Variants in POLD2 observed in about 807,000 individuals in gnomAD.
POLD2 encodes the protein DNA polymerase delta 2, accessory subunit, also known as DNA polymerase delta subunit 2.
A neutral mutation model predicts 48.8 loss-of-function variants in POLD2; 31 were observed. The ratio of observed to expected loss-of-function variants is 0.64; its 90% CI spans 0.48 to 0.86. The LOEUF is 0.86. POLD2 is among the 40% of genes least tolerant of loss of function. POLD2 has a pLI of 0.00. For missense variants in POLD2, 455 were observed against 610.1 expected, an observed-to-expected ratio of 0.75 and a Z score of 2.68; for synonymous variants, 233 against 256.3, an observed-to-expected ratio of 0.91 and a Z score of 0.87.
rs781666845 is a variant in POLD2, at chr7:44,121,941, G to T, written c.113C>A (p.Pro38His). Residue 38 changes from proline to histidine, a missense_variant, in exon 2 of 11, where the codon CCC (proline) becomes CAC (histidine). Pro to His is a moderately conservative substitution (Grantham distance 77). This residue lies in a region of POLD2 where 349 missense variants were observed against 437.4 expected (regional missense o/e 0.80). Transcript: ENST00000610533. The surrounding 1 kb of genome is among the most constrained non-coding windows in gnomAD (Gnocchi z 4.5). The part of the protein sequence containing the change: ...PVATYTNSSQ[P>H]FRLGERSFSR... ...AAAGCTGCGCTCTCCTAGCCGGAAG[G>T]GTTGTGAGGAGTTGGTGTAGGTTGC... 25 of 1,613,802 alleles carry T rather than the reference G, an allele frequency of 1.5e-5. No homozygotes were observed. The highest frequency in any genetic ancestry group is 2.1e-5 in the Non-Finnish European group (25 of 1,180,048).
chr7:44,115,253 A>G (rs763515017), intron 10 of POLD2, 42 bp downstream of exon 10: 2 of 1,171,910 alleles, frequency 1.7e-6, no homozygotes, highest in Admixed American at 4.3e-5. Context: ...AGGTGAGAGC[A>G]AATCAGCAAA....
chr7:44,119,778 C>A (rs1583567860), intron 2 of POLD2, among the ~76,000 whole-genome samples: 1 of 152,360 alleles, frequency 6.6e-6, no homozygotes, highest in African/African-American at 2.4e-5. Flanking sequence ...CTTGCCCCCA[C>A]TCAGCCCACT....
intron 2 of POLD2, chr7:44,118,342 G>C (rs191799602): frequency 9.3e-6 from 3 of 322,276 alleles, no homozygotes; most frequent in Non-Finnish European, 1.2e-5. Context: ...GTGTGAAGAC[G>C]GGCAGAGCGG....
chr7:44,119,059 G>T (rs1051073120), intron 2 of POLD2, among the ~76,000 whole-genome samples: 2 of 128,862 alleles, frequency 1.6e-5, no homozygotes, highest in Admixed American at 9.3e-5. Flanking sequence ...TGAGACCAGA[G>T]ATACTCAAAA....
At chr7:44,118,629 C>T (rs2096244065) in intron 2 of POLD2, among the ~76,000 whole-genome samples, 1 of 152,184 alleles carries the variant, frequency 6.6e-6, no homozygotes, top group African/African-American at 2.4e-5. Context: ...TCTCCTGCCT[C>T]AGCCTCCCGA....
rs750677442 is a variant in POLD2 at position 44,116,166 on chromosome 7, G to T, written c.968C>A (p.Ser323Tyr). The change falls in exon 8 of 11, where the codon TCC becomes TAC. Residue 323 changes from serine (S) to tyrosine (Y), a missense_variant. Around this residue, in one of 3 missense-constraint regions of POLD2, gnomAD observed 349 missense variants for 437.4 expected, o/e 0.80. Coordinates refer to ENST00000610533, the MANE Select transcript of POLD2 (RefSeq NM_006230.4). The surrounding 1 kb of genome is among the most constrained non-coding windows in gnomAD (Gnocchi z 6.1). ...PCMFPLATAY[S>Y]TLQLVTNPYQ... The stretch of plus-strand genomic sequence containing the variant: ...GGGGTTGGTGACCAGCTGGAGCGTG[G>T]AGTAGGCAGTGGCCAGCGGGAACAT... 1 of 1,613,858 alleles carries T rather than the reference G, an allele frequency of 6.2e-7. No individual in the cohort carries two copies. Among genetic ancestry groups the T allele is most frequent in the East Asian group, 2.2e-5 (1 of 44,876 alleles).
chr7:44,117,530 C>A, intron 4 of POLD2, 89 bp downstream of exon 4: 1 of 1,494,638 alleles, frequency 6.7e-7, no homozygotes, highest in Non-Finnish European at 9.1e-7. Context: ...CCCCCCACTC[C>A]CCCCAGGCTC....
Position 44,116,481 on chromosome 7 carries a change from T to C in POLD2, c.810A>G (p.Ala270=). The C allele has an allele frequency of 6.3e-7, 1 of 1,583,448 alleles. No individual in the cohort carries two copies. Among genetic ancestry groups the C allele is most frequent in the Non-Finnish European group, 8.6e-7 (1 of 1,164,014 alleles). ...KAKYLTKKTQ[A]ASVEAVKMLD... ...GCATCTTAACAGCCTCCACGCTGGC[T>C]GCCTGGGTTTTCTTGGTGAGGTATT... The change falls in exon 7 of 11, where the codon GCA becomes GCG. Residue 270 remains alanine (A), a synonymous_variant. Coordinates refer to ENST00000610533, the MANE Select transcript of POLD2 (RefSeq NM_006230.4). This position sits in a 1 kb window ranked among gnomAD's most constrained non-coding sequence, Gnocchi z 6.1.
At chr7:44,123,813 G>A (rs2096251907), upstream of POLD2, 1 of 905,636 alleles carries the variant, frequency 1.1e-6, no homozygotes, top group East Asian at 3.4e-5. Context: ...GGGGGGTGTC[G>A]GCCTCCAGTG....
chr7:44,123,831 C>G (rs1342071111), upstream of POLD2, among the ~76,000 whole-genome samples: 1 of 152,194 alleles, frequency 6.6e-6, no homozygotes, highest in Non-Finnish European at 1.5e-5. Context: ...GTGGGCTGAC[C>G]GCGTCACCCC....
intron 2 of POLD2, among the ~76,000 whole-genome samples, chr7:44,119,147 C>T (rs963520898): frequency 6.6e-6 from 1 of 152,022 alleles, no homozygotes; most frequent in African/African-American, 2.4e-5. Flanking sequence ...ACCTGGGCAC[C>T]GTCTTCCCCA....
chr7:44,123,706 C>T (rs530415195), upstream of POLD2: 219 of 1,350,448 alleles, frequency 1.6e-4, no homozygotes, highest in African/African-American at 3.0e-3. Flanking sequence ...GAACGCGGAG[C>T]CACACCCTCG....
Sources: gnomAD v4.1 joint callset for allele counts (sites outside exome capture counted in the v4.1 genomes callset) on GRCh38, gnomAD v4.1.1 for gene constraint, gnomAD v4.1.1 regional missense constraint, Gnocchi (gnomAD v3.1) non-coding constraint, MANE v1.5 for transcripts, NCBI Gene and HGNC (gene_info 2026-07-23, HGNC 2026-07-21) for gene names.